The following CDH12 variants were observed in gnomAD, a reference collection of about 807,000 sequenced individuals.
CDH12 encodes the protein cadherin 12.
Under a neutral mutation model 74.1 loss-of-function variants are expected in CDH12, and 41 were observed. That is an observed-to-expected ratio of 0.55 (90% CI 0.43 to 0.72). CDH12 has a LOEUF of 0.72. Among genes scored for constraint, CDH12 ranks in the 30% least tolerant of loss-of-function variants. The probability of loss-of-function intolerance (pLI) is 0.00; values close to 1 mark genes in which losing one functional copy is unlikely to be tolerated. For missense variants in CDH12, 945 were observed against 977.2 expected, an observed-to-expected ratio of 0.97 and a Z score of 0.44; for synonymous variants, 399 against 355.0, an observed-to-expected ratio of 1.12 and a Z score of -1.39.
chr5:21,834,495 A>G lies in CDH12; in HGVS notation c.814+7666T>C, dbSNP rs560321838. Among the ~76,000 whole-genome samples, 25 of 152,062 alleles carry G rather than the reference A, an allele frequency of 1.6e-4. No individual in the cohort carries two copies. In the South Asian group the frequency reaches 3.5e-3, roughly 21 times the overall value. Reference sequence around the variant, plus strand: ...AGCATGGCCCTAAAAACAGCAGATTAGGTAAATTTGTTATCAAAGAATGCT... The same window carrying G: ...AGCATGGCCCTAAAAACAGCAGATTGGGTAAATTTGTTATCAAAGAATGCT... On this transcript the variant is annotated intron_variant, in intron 8 of 14. Transcript: ENST00000382254.
intron 2 of CDH12, among the ~76,000 whole-genome samples, chr5:22,452,489 A>C (rs949267995): frequency 1.3e-5 from 2 of 152,008 alleles, no homozygotes; most frequent in African/African-American, 4.8e-5. Flanking sequence ...TCTCTTCAAT[A>C]AATGGTTCTG....
intron 1 of CDH12, among the ~76,000 whole-genome samples, chr5:22,529,318 AG>A (rs1316398053): frequency 2.6e-5 from 4 of 151,870 alleles, no homozygotes; most frequent in Non-Finnish European, 5.9e-5. Context: ...CTGGTGACCC[AG>A]AAGAGCCAAT....
At chr5:22,204,183 G>GT (rs1751084885) in intron 4 of CDH12, among the ~76,000 whole-genome samples, 1 of 118,102 alleles carries the variant, frequency 8.5e-6, no homozygotes, top group African/African-American at 2.9e-5. Context: ...TTTGTTTTTT[G>GT]TTTTTTTGAG....
chr5:22,721,377 T>C (rs997412070), intron 1 of CDH12, among the ~76,000 whole-genome samples: 26 of 152,250 alleles, frequency 1.7e-4, no homozygotes, highest in African/African-American at 5.8e-4. Context: ...CGGATTTGCA[T>C]GGGGCTTATA....
intron 4 of CDH12, among the ~76,000 whole-genome samples, chr5:22,200,237 A>G: frequency 6.6e-6 from 1 of 152,206 alleles, no homozygotes; most frequent in African/African-American, 2.4e-5. Context: ...ACTACTGATT[A>G]TCAAGTACAA....
intron 6 of CDH12, among the ~76,000 whole-genome samples, chr5:21,912,424 G>A (rs1488426256): frequency 6.6e-6 from 1 of 151,876 alleles, no homozygotes; most frequent in African/African-American, 2.4e-5. Context: ...TGGAACTCCT[G>A]CTTTCTTGGG....
intron 3 of CDH12, among the ~76,000 whole-genome samples, chr5:22,342,701 T>A (rs905002122): frequency 4.1e-5 from 6 of 147,948 alleles, no homozygotes; most frequent in Non-Finnish European, 8.9e-5. Context: ...TTTCTTCTTT[T>A]TTCTTTCCTT....
At chr5:22,343,396 GA>G (rs1739975433) in intron 3 of CDH12, among the ~76,000 whole-genome samples, 1 of 149,852 alleles carries the variant, frequency 6.7e-6, no homozygotes. Flanking sequence ...AAGGAGAAAA[GA>G]AGTTGCTTTT....
chr5:22,124,132 GATT>G (rs1020990263), intron 4 of CDH12, among the ~76,000 whole-genome samples: 21 of 150,682 alleles, frequency 1.4e-4, no homozygotes, highest in Admixed American at 3.3e-4. Context: ...ACTCCCTGCT[GATT>G]ATTATTATTA....
At chr5:22,700,275 C>G (rs1453999727) in intron 1 of CDH12, among the ~76,000 whole-genome samples, 1 of 152,126 alleles carries the variant, frequency 6.6e-6, no homozygotes, top group Non-Finnish European at 1.5e-5. Context: ...TTTTCCTTTT[C>G]CACTTCAAAC....
At chr5:22,725,453 T>G (rs571389156) in intron 1 of CDH12, among the ~76,000 whole-genome samples, 16 of 151,952 alleles carry the variant, frequency 1.1e-4, no homozygotes, top group African/African-American at 2.9e-4. Context: ...TCAGCATGAA[T>G]TGAATATAAC....
At chr5:21,847,151 C>T (rs79490795) in intron 7 of CDH12, among the ~76,000 whole-genome samples, 1,999 of 152,178 alleles carry the variant, frequency 0.013, 40 homozygotes, top group African/African-American at 0.045. Flanking sequence ...TCTTCACCTT[C>T]CTGCTGAACT....
rs1050347374 is a variant in CDH12, at chr5:22,531,398, A to G, written c.-522-26034T>C. 3.9e-5 allele frequency among the ~76,000 whole-genome samples: 6 copies of G among 152,130 alleles called. No individual in the cohort carries two copies. In the South Asian group the frequency reaches 1.2e-3, roughly 31 times the overall value. On this transcript the variant is annotated intron_variant, in intron 1 of 14. Transcript: ENST00000382254. ...CAGCTAAGAAACTCTGAAAGGAGAAAAAAATCAACTACACTACAAATTTTT... is the reference window on the plus strand; with the variant it reads ...CAGCTAAGAAACTCTGAAAGGAGAAGAAAATCAACTACACTACAAATTTTT...
chr5:21,978,021 A>C (rs1038774143), intron 5 of CDH12, among the ~76,000 whole-genome samples: 3 of 152,216 alleles, frequency 2.0e-5, no homozygotes, highest in Non-Finnish European at 4.4e-5. Context: ...TTTTGATATT[A>C]AATAAATGAC....
intron 1 of CDH12, among the ~76,000 whole-genome samples, chr5:22,699,730 A>G (rs1375732181): frequency 6.6e-6 from 1 of 152,220 alleles, no homozygotes; most frequent in African/African-American, 2.4e-5. Context: ...AATTACTTCT[A>G]TTTTAGAAAG....
At chr5:22,150,275 T>A (rs993970261) in intron 4 of CDH12, among the ~76,000 whole-genome samples, 4 of 152,012 alleles carry the variant, frequency 2.6e-5, no homozygotes, top group African/African-American at 9.7e-5. Context: ...ATTCACAAAG[T>A]GAGTTAATAT....
At chr5:22,423,554 T>C (rs1023643371) in intron 2 of CDH12, among the ~76,000 whole-genome samples, 6 of 152,202 alleles carry the variant, frequency 3.9e-5, no homozygotes, top group African/African-American at 1.4e-4. Context: ...TGTCTCACAA[T>C]TGTGTACTTA....
intron 3 of CDH12, among the ~76,000 whole-genome samples, chr5:22,388,668 C>T (rs1360842075): frequency 6.6e-6 from 1 of 152,092 alleles, no homozygotes; most frequent in Non-Finnish European, 1.5e-5. Flanking sequence ...TTACAAAATA[C>T]ACTTAATTCT....
At chr5:22,469,525 G>T in intron 2 of CDH12, among the ~76,000 whole-genome samples, 1 of 126,338 alleles carries the variant, frequency 7.9e-6, no homozygotes, top group African/African-American at 2.9e-5. Flanking sequence ...TTGCATTAAG[G>T]CTCACTCCAG....
Sources: allele counts gnomAD v4.1 joint callset (sites outside exome capture counted in the v4.1 genomes callset), GRCh38; gene constraint gnomAD v4.1.1; transcripts MANE v1.5; gene names NCBI Gene and HGNC (gene_info 2026-07-23, HGNC 2026-07-21).